The following CDC42BPA variants were observed in gnomAD, a reference collection of about 807,000 sequenced individuals.
The protein encoded by CDC42BPA is CDC42 binding protein kinase alpha.
Under a neutral mutation model 223.5 loss-of-function variants are expected in CDC42BPA, and 80 were observed. The ratio of observed to expected loss-of-function variants is 0.36; its 90% CI spans 0.30 to 0.43. The LOEUF (loss-of-function observed/expected upper bound fraction) is 0.43, where lower values mean the gene tolerates loss of function less well. Ranked by LOEUF, CDC42BPA falls within the 20% of genes least tolerant of loss-of-function variation. The pLI, the probability that CDC42BPA is intolerant of heterozygous loss-of-function variation, is 1.00. For synonymous variants in CDC42BPA, 694 were observed against 718.6 expected, an observed-to-expected ratio of 0.97 and a Z score of 0.55; for missense variants, 1,743 against 2,099.9, an observed-to-expected ratio of 0.83 and a Z score of 3.32.
At chr1:227,178,636 C>T (rs1270929492) in intron 5 of CDC42BPA, among the ~76,000 whole-genome samples, 1 of 152,206 alleles carries the variant, frequency 6.6e-6, no homozygotes, top group African/African-American at 2.4e-5. Context: ...GCTACGACTA[C>T]AGGCATGTGC....
intron 8 of CDC42BPA, among the ~76,000 whole-genome samples, chr1:227,144,574 CAAAAAAAAAAAAA>C (rs57568297): frequency 1.3e-4 from 8 of 63,474 alleles, no homozygotes; most frequent in East Asian, 5.9e-4. Context: ...GACTCTGTCT[CAAAAAAAAAAAAA>C]AAAAAAAAAA....
At chr1:227,250,623 A>AGTGT (rs372698370) in intron 2 of CDC42BPA, among the ~76,000 whole-genome samples, 3,696 of 151,096 alleles carry the variant, frequency 0.024, 42 homozygotes, top group Non-Finnish European at 0.029. Flanking sequence ...TTGAAACTGA[A>AGTGT]GTGTGTGTGT....
chr1:227,290,706 T>C (rs1252760431), intron 1 of CDC42BPA, among the ~76,000 whole-genome samples: 4 of 152,172 alleles, frequency 2.6e-5, no homozygotes, highest in Non-Finnish European at 5.9e-5. Context: ...TTAATGACTA[T>C]TTATAATTTT....
At chr1:227,062,842 A>C (rs1003079159) in intron 21 of CDC42BPA, among the ~76,000 whole-genome samples, 2 of 151,996 alleles carry the variant, frequency 1.3e-5, no homozygotes, top group East Asian at 1.9e-4. Context: ...AAAAAAAAAA[A>C]AACTTTTTTG....
intron 7 of CDC42BPA, 44 bp from the exon 8 acceptor site, chr1:227,145,781 C>T (rs1364852499): frequency 6.7e-7 from 1 of 1,490,672 alleles, no homozygotes; most frequent in South Asian, 1.3e-5. Flanking sequence ...CAGTGTTTAA[C>T]ATACTAAGTA....
rs753465553 is a variant in CDC42BPA at position 227,035,617 on chromosome 1, G to T, written c.3200-10C>A. On this transcript the variant is annotated splice_polypyrimidine_tract_variant and intron_variant, in intron 24 of 36. Transcript: ENST00000366766. ...CATGAGAATCCACACACTTTTAGAG[G>T]GAAAAAAGAAACGTTTGATAAAAAT... 2.6e-6 allele frequency: 4 copies of T among 1,551,294 alleles called. No homozygotes were observed. The Admixed American group carries it at 9.4e-5, about 36-fold the overall frequency.
At chr1:227,014,549 G>A (rs1346358876) in intron 34 of CDC42BPA, among the ~76,000 whole-genome samples, 1 of 147,784 alleles carries the variant, frequency 6.8e-6, no homozygotes, top group Non-Finnish European at 1.5e-5. Flanking sequence ...TGAAATAAAT[G>A]CAAACCTCCC....
intron 21 of CDC42BPA, among the ~76,000 whole-genome samples, chr1:227,066,906 C>A (rs1677207648): frequency 1.3e-5 from 2 of 151,972 alleles, no homozygotes; most frequent in South Asian, 4.2e-4. Flanking sequence ...AACCATACAC[C>A]TAGAAAGTTG....
rs556415904 is a variant in CDC42BPA at position 227,080,597 on chromosome 1, C to G, written c.2480+296G>C. ...AACATCCATAGGTAGCAGATGAATT[C>G]CAACTTTGACTCTGAAGGTGGTAAC... On this transcript the variant is annotated intron_variant, in intron 17 of 36. Coordinates refer to ENST00000366766, the MANE Select transcript of CDC42BPA (RefSeq NM_001394014.1). Among the ~76,000 whole-genome samples the G allele has an allele frequency of 2.2e-4, 34 of 152,108 alleles. No homozygotes were observed. The South Asian group carries it at 2.5e-3, about 11-fold the overall frequency.
chr1:227,235,713 T>A (rs557322558), intron 2 of CDC42BPA, among the ~76,000 whole-genome samples: 1 of 152,302 alleles, frequency 6.6e-6, no homozygotes, highest in South Asian at 2.1e-4. Flanking sequence ...TAATAAGGAC[T>A]TTCACACAGA....
intron 1 of CDC42BPA, among the ~76,000 whole-genome samples, chr1:227,313,505 G>A: frequency 6.6e-6 from 1 of 152,046 alleles, no homozygotes; most frequent in East Asian, 1.9e-4. Context: ...ATCATTCCTA[G>A]AATAGAATAT....
chr1:227,142,977 C>T lies in CDC42BPA; in HGVS notation c.1191G>A (p.Leu397=). 1 of 1,541,306 alleles carries T rather than the reference C, an allele frequency of 6.5e-7. No individual in the cohort carries two copies. The highest frequency in any genetic ancestry group is 8.7e-7 in the Non-Finnish European group (1 of 1,152,926). The change falls in exon 9 of 37, where the codon CTG becomes CTA. Residue 397 remains leucine, a synonymous_variant. Transcript: ENST00000366766. ...TAGTATATGTAAAACCAACAAATGG[C>T]AGATGGTGGCCAGAAAATGCAGTAT... is the stretch of plus-strand genomic sequence containing the variant. The part of the protein sequence containing the change: ...PTHTAFSGHH[L]PFVGFTYTSS...
At chr1:227,176,861 A>T (rs959935697) in intron 5 of CDC42BPA, among the ~76,000 whole-genome samples, 3 of 151,982 alleles carry the variant, frequency 2.0e-5, no homozygotes, top group African/African-American at 7.2e-5. Flanking sequence ...TTTTGTTCAC[A>T]TTTTCTTTTC....
At position 227,112,731 on chromosome 1, in the gene CDC42BPA, C is replaced by A. The variant is rs368393687; in HGVS notation, c.1830G>T (p.Val610=). 1 of 1,614,080 alleles carries A rather than the reference C, an allele frequency of 6.2e-7. No homozygotes were observed. The highest frequency in any genetic ancestry group is 1.1e-5 in the South Asian group (1 of 91,086). Residue 610 remains valine, a synonymous_variant, in exon 13 of 37, where the codon GTG becomes GTT. Transcript: ENST00000366766. The stretch of plus-strand genomic sequence containing the variant: ...GCCTTAAGCTTTCAACTTTTTGCAT[C>A]ACCAGGTCCACCTCTTCTTCCTTAT... ...VRDKEEEVDL[V]MQKVESLRQE... is the part of the protein sequence containing the mutation.
chr1:227,258,131 C>A (rs558043181), intron 1 of CDC42BPA, among the ~76,000 whole-genome samples: 2 of 135,562 alleles, frequency 1.5e-5, no homozygotes, highest in African/African-American at 5.8e-5. Flanking sequence ...GCTTAGAGGG[C>A]GCCACTACAC....
At chr1:227,028,547 G>T in intron 30 of CDC42BPA, 110 bp downstream of exon 30, 1 of 718,180 alleles carries the variant, frequency 1.4e-6, no homozygotes, top group Non-Finnish European at 2.2e-6. Flanking sequence ...CATTAAGAAT[G>T]ACTTTTTTAA....
At chr1:227,087,288 G>T (rs1414320035) in intron 16 of CDC42BPA, among the ~76,000 whole-genome samples, 1 of 152,130 alleles carries the variant, frequency 6.6e-6, no homozygotes, top group Non-Finnish European at 1.5e-5. Context: ...ATATCCAATT[G>T]TTCCAGTACT....
At chr1:227,100,567 A>G (rs1217238340) in intron 15 of CDC42BPA, among the ~76,000 whole-genome samples, 1 of 151,718 alleles carries the variant, frequency 6.6e-6, no homozygotes, top group Non-Finnish European at 1.5e-5. Flanking sequence ...TTTCTTACTA[A>G]TTATATCTCA....
At chr1:227,164,519 T>A (rs1468237177) in intron 5 of CDC42BPA, among the ~76,000 whole-genome samples, 2 of 152,032 alleles carry the variant, frequency 1.3e-5, no homozygotes, top group East Asian at 3.9e-4. Flanking sequence ...AAATATTAAA[T>A]CTTAGGCATT....
Sources: allele counts gnomAD v4.1 joint callset (sites outside exome capture counted in the v4.1 genomes callset), GRCh38; gene constraint gnomAD v4.1.1; transcripts MANE v1.5; gene names NCBI Gene and HGNC (gene_info 2026-07-23, HGNC 2026-07-21).